RANBP3L: variants seen among roughly 807,000 people sequenced by gnomAD.
The protein encoded by RANBP3L is ran-binding protein 3-like.
Under a neutral mutation model 67.2 loss-of-function variants are expected in RANBP3L, and 56 were observed. The ratio of observed to expected loss-of-function variants is 0.83; its 90% CI spans 0.67 to 1.04. The LOEUF (loss-of-function observed/expected upper bound fraction) is 1.04, where lower values mean the gene tolerates loss of function less well. RANBP3L is among the 50% of genes least tolerant of loss of function. The pLI is 0.00. For synonymous variants in RANBP3L, 164 were observed against 181.4 expected, an observed-to-expected ratio of 0.90 and a Z score of 0.77; for missense variants, 496 against 535.5, an observed-to-expected ratio of 0.93 and a Z score of 0.73.
rs536557890 is a variant in RANBP3L at position 36,261,734 on chromosome 5, CA to C, written c.584+204del. On this transcript the variant is annotated intron_variant, in intron 7 of 13. Transcript: ENST00000296604. ...ACCCAAGTTAATGAAACAATGAAGA[CA>C]ATCCAGTATTAATATGATAATATTT... is the stretch of plus-strand genomic sequence containing the variant. Among the ~76,000 whole-genome samples, 444 of 152,236 alleles carry C rather than the reference CA, an allele frequency of 2.9e-3. 4 individuals carry two copies. The highest frequency in any genetic ancestry group is 0.01 in the African/African-American group (432 of 41,548).
At chr5:36,285,131 A>G (rs1751233279) in intron 1 of RANBP3L, among the ~76,000 whole-genome samples, 1 of 152,236 alleles carries the variant, frequency 6.6e-6, no homozygotes, top group Non-Finnish European at 1.5e-5. Flanking sequence ...AGTGTCTGGT[A>G]TATAACAAAC....
At chr5:36,293,997 T>C (rs1394319499) in intron 1 of RANBP3L, among the ~76,000 whole-genome samples, 1 of 152,202 alleles carries the variant, frequency 6.6e-6, no homozygotes, top group Non-Finnish European at 1.5e-5. Flanking sequence ...TCCTTGTACC[T>C]CTGATAGAAT....
chr5:36,287,084 C>G (rs530803730), intron 1 of RANBP3L, among the ~76,000 whole-genome samples: 1 of 152,144 alleles, frequency 6.6e-6, no homozygotes, highest in Admixed American at 6.6e-5. Flanking sequence ...GAAACTGCCC[C>G]GCCTCAGATC....
At chr5:36,281,615 G>C (rs1485594306) in intron 1 of RANBP3L, among the ~76,000 whole-genome samples, 1 of 152,206 alleles carries the variant, frequency 6.6e-6, no homozygotes, top group Admixed American at 6.5e-5. Context: ...ACCTGGTTGG[G>C]ACATGATCCT....
intron 1 of RANBP3L, among the ~76,000 whole-genome samples, chr5:36,277,440 A>ATGTGTGTGTG (rs149996886): frequency 8.7e-6 from 1 of 114,988 alleles, no homozygotes; most frequent in African/African-American, 3.5e-5. Context: ...ATATATATAT[A>ATGTGTGTGTG]TGTGTGTGTG....
chr5:36,294,977 T>G (rs1218472130), intron 1 of RANBP3L, among the ~76,000 whole-genome samples: 1 of 150,286 alleles, frequency 6.7e-6, no homozygotes, highest in Non-Finnish European at 1.5e-5. Context: ...TATACATATA[T>G]ATACACACAC....
chr5:36,259,888 C>T (rs1048616285), intron 8 of RANBP3L, among the ~76,000 whole-genome samples: 1 of 152,110 alleles, frequency 6.6e-6, no homozygotes, highest in Admixed American at 6.5e-5. Context: ...GAAGCAGTTA[C>T]CTCATTGCAA....
At chr5:36,265,315 A>T in intron 5 of RANBP3L, 134 bp downstream of exon 5, 1 of 687,444 alleles carries the variant, frequency 1.5e-6, no homozygotes, top group Non-Finnish European at 2.4e-6. Flanking sequence ...AACCTGGCTT[A>T]CTTGCATTAT....
At position 36,294,142 on chromosome 5, in the gene RANBP3L, A is replaced by G. The variant is rs377109447; in HGVS notation, c.91+7184T>C. Among the ~76,000 whole-genome samples the G allele has an allele frequency of 2.0e-3, 310 of 152,154 alleles. 1 individual carries two copies. The highest frequency in any genetic ancestry group is 0.01 in the Middle Eastern group (3 of 294). On this transcript the variant is annotated intron_variant, in intron 1 of 13. Coordinates refer to ENST00000296604, the MANE Select transcript of RANBP3L (RefSeq NM_145000.5). ...GGTTTAGTCTTGGGAGAGTGTATGT[A>G]TCGAGGAATTTATCCATTTCTTCTA...
intron 6 of RANBP3L, 63 bp downstream of exon 6, chr5:36,264,896 A>T: frequency 1.3e-6 from 2 of 1,545,896 alleles, no homozygotes; most frequent in Non-Finnish European, 1.8e-6. Flanking sequence ...TGGGGGCCCC[A>T]AACAACCTGC....
chr5:36,286,092 A>T (rs1400358994), intron 1 of RANBP3L, among the ~76,000 whole-genome samples: 4 of 152,154 alleles, frequency 2.6e-5, no homozygotes, highest in African/African-American at 4.8e-5. Flanking sequence ...AGAGTTTGGG[A>T]CATTGTATGC....
At chr5:36,292,566 T>C (rs565947204) in intron 1 of RANBP3L, among the ~76,000 whole-genome samples, 1 of 152,186 alleles carries the variant, frequency 6.6e-6, no homozygotes, top group Admixed American at 6.5e-5. Flanking sequence ...CCATCTTGAA[T>C]TGATTTTTGT....
At chr5:36,300,507 A>AC (rs1752539290) in intron 1 of RANBP3L, among the ~76,000 whole-genome samples, 4 of 151,604 alleles carry the variant, frequency 2.6e-5, no homozygotes, top group Admixed American at 2.6e-4. Flanking sequence ...AAAAATAATT[A>AC]AAGAGCTCAT....
intron 1 of RANBP3L, among the ~76,000 whole-genome samples, chr5:36,290,647 A>G (rs563152494): frequency 3.7e-5 from 1 of 27,388 alleles, no homozygotes; most frequent in Admixed American, 2.8e-4. Context: ...ATGGAAAAAT[A>G]AAGGATTTTT....
intron 1 of RANBP3L, among the ~76,000 whole-genome samples, chr5:36,289,097 G>C (rs1431650040): frequency 6.6e-6 from 1 of 151,762 alleles, no homozygotes. Context: ...ACTAATTTTT[G>C]TGTGAGGTAG....
rs183322033 is a variant in RANBP3L, at chr5:36,276,311, A to G, written c.92-5000T>C. Reference sequence around the variant, plus strand: ...TAGACAGGAATTCACTAGGAAGAAAACCCAGTACAGTGGTCCCTGTTATCT... The same window carrying G: ...TAGACAGGAATTCACTAGGAAGAAAGCCCAGTACAGTGGTCCCTGTTATCT... On this transcript the variant is annotated intron_variant, in intron 1 of 13. Coordinates refer to ENST00000296604, the MANE Select transcript of RANBP3L (RefSeq NM_145000.5). Among the ~76,000 whole-genome samples, 31 of 152,322 alleles carry G rather than the reference A, an allele frequency of 2.0e-4. No homozygotes were observed. In the East Asian group the frequency reaches 6.0e-3, roughly 29 times the overall value.
At chr5:36,286,456 C>T (rs1332836383) in intron 1 of RANBP3L, among the ~76,000 whole-genome samples, 1 of 152,182 alleles carries the variant, frequency 6.6e-6, no homozygotes, top group East Asian at 1.9e-4. Context: ...ATCATACTGG[C>T]ATCCTTTTGT....
intron 4 of RANBP3L, among the ~76,000 whole-genome samples, chr5:36,266,158 C>T (rs1032722078): frequency 6.6e-6 from 1 of 151,828 alleles, no homozygotes; most frequent in Admixed American, 6.6e-5. Context: ...GGTAATGAAC[C>T]CTCCGGCATT....
intron 1 of RANBP3L, among the ~76,000 whole-genome samples, chr5:36,281,400 G>A (rs1750960429): frequency 1.3e-5 from 2 of 152,208 alleles, no homozygotes; most frequent in East Asian, 1.9e-4. Context: ...CTAAAATTAC[G>A]GGACCTGTCT....
Sources: gnomAD v4.1 joint callset for allele counts (sites outside exome capture counted in the v4.1 genomes callset) on GRCh38, gnomAD v4.1.1 for gene constraint, MANE v1.5 for transcripts, NCBI Gene and HGNC (gene_info 2026-07-23, HGNC 2026-07-21) for gene names.